The following PXDNL variants were observed in gnomAD, a reference collection of about 807,000 sequenced individuals.
PXDNL encodes the protein peroxidasin like, also known as probable oxidoreductase PXDNL.
Under a neutral mutation model 150.8 loss-of-function variants are expected in PXDNL, and 145 were observed. The observed-to-expected ratio is 0.96, with a 90% CI of 0.84 to 1.10. The LOEUF is 1.10. Ranked by LOEUF, PXDNL falls within the 50% of genes least tolerant of loss-of-function variation. The pLI is 0.00. For synonymous variants in PXDNL, 757 were observed against 725.7 expected (o/e 1.04, Z -0.69); for missense variants, 2,087 against 1,873.9 (o/e 1.11, Z -2.10).
At chr8:51,363,410 C>A (rs574680082) in intron 19 of PXDNL, among the ~76,000 whole-genome samples, 1 of 152,044 alleles carries the variant, frequency 6.6e-6, no homozygotes. Context: ...TCTGAAAAAC[C>A]GAGCTCTCTG....
rs1486419971 is a variant in PXDNL at position 51,339,703 on chromosome 8, A to G, written c.4067T>C (p.Leu1356Pro). Residue 1356 changes from leucine (L) to proline (P), a missense_variant, in exon 21 of 23, where the codon CTG (leucine) becomes CCG (proline). Transcript: ENST00000356297. ...ATCTTGGGAGAACTTTGTTTTTGCCAGAACTGTCACATTTCTAGCATCTTC... is the reference window on the plus strand; with the variant it reads ...ATCTTGGGAGAACTTTGTTTTTGCCGGAACTGTCACATTTCTAGCATCTTC... The part of the protein sequence containing the change: ...VGEDARNVTV[L>P]AKTKFSQDFS... 6.2e-7 allele frequency: 1 copy of G among 1,613,604 alleles called. No individual in the cohort carries two copies. Among genetic ancestry groups the G allele is most frequent in the Admixed American group, 1.7e-5 (1 of 59,968 alleles).
chr8:51,693,081 C>T (rs946359500), intron 1 of PXDNL, among the ~76,000 whole-genome samples: 6 of 152,212 alleles, frequency 3.9e-5, no homozygotes, highest in African/African-American at 1.4e-4. Context: ...ATCAGAGCCT[C>T]TATCTGTCCA....
chr8:51,696,865 A>G, intron 1 of PXDNL, among the ~76,000 whole-genome samples: 2 of 63,344 alleles, frequency 3.2e-5, no homozygotes, highest in African/African-American at 5.6e-5. Context: ...ACAGGTCCAC[A>G]CACATGTGCA....
intron 11 of PXDNL, among the ~76,000 whole-genome samples, chr8:51,447,983 T>C (rs7846408): frequency 0.78 from 119,179 of 152,242 alleles, 47,416 homozygotes; most frequent in South Asian, 0.85. Context: ...GGTCACATGA[T>C]AAGCAAATGG....
intron 3 of PXDNL, among the ~76,000 whole-genome samples, chr8:51,568,286 T>C (rs773387994): frequency 4.0e-5 from 6 of 151,862 alleles, no homozygotes; most frequent in Non-Finnish European, 8.8e-5. Flanking sequence ...AAACATTCAT[T>C]GCAAGGCAGG....
intron 11 of PXDNL, among the ~76,000 whole-genome samples, chr8:51,448,188 C>G (rs1247728990): frequency 2.0e-5 from 3 of 152,196 alleles, no homozygotes; most frequent in Non-Finnish European, 4.4e-5. Flanking sequence ...CTCATCCAGC[C>G]AATCGTCAAT....
chr8:51,542,442 G>C (rs1053825829), intron 4 of PXDNL, among the ~76,000 whole-genome samples: 22 of 149,940 alleles, frequency 1.5e-4, no homozygotes, highest in African/African-American at 5.4e-4. Flanking sequence ...AGAGGTAATA[G>C]AATTAGATTA....
rs182061840 is a variant in PXDNL, at chr8:51,461,122, G to T, written c.813-3455C>A. ...CACAGCCAGTGCTAGACCCCAAAGG[G>T]CTAAAGGACAAAACCACAGGCCCAA... On this transcript the variant is annotated intron_variant, in intron 8 of 22. Coordinates refer to ENST00000356297, the MANE Select transcript of PXDNL (RefSeq NM_144651.5). 2.3e-3 allele frequency among the ~76,000 whole-genome samples: 357 copies of T among 152,296 alleles called. 4 individuals are homozygous for T. Among genetic ancestry groups the T allele is most frequent in the Middle Eastern group, 0.01 (3 of 294 alleles).
At position 51,408,215 on chromosome 8, in the gene PXDNL, A is replaced by G; in HGVS notation, c.3409T>C (p.Ser1137Pro). 6.2e-7 allele frequency: 1 copy of G among 1,614,050 alleles called. No homozygotes were observed. Among genetic ancestry groups the G allele is most frequent in the South Asian group, 1.1e-5 (1 of 91,084 alleles). ...CCCCTTTGAATGATGGTGGCAGCCG[A>G]ATCCACGGCCGCAGAATAAGCCGCG... ...FSAAYSAAVD[S>P]AATIIQRGRD... Residue 1137 changes from serine (S) to proline (P), a missense_variant, in exon 17 of 23, where the codon TCG becomes CCG. Transcript: ENST00000356297.
chr8:51,664,635 T>C (rs1815342344), intron 1 of PXDNL, among the ~76,000 whole-genome samples: 1 of 152,146 alleles, frequency 6.6e-6, no homozygotes, highest in Non-Finnish European at 1.5e-5. Flanking sequence ...ACCTTGATAG[T>C]CCTTCCTGTC....
chr8:51,602,095 C>T (rs1362841772), intron 2 of PXDNL, among the ~76,000 whole-genome samples: 1 of 150,884 alleles, frequency 6.6e-6, no homozygotes, highest in Admixed American at 6.6e-5. Context: ...ATGGGCTTCC[C>T]TTTGTATGTG....
chr8:51,527,083 C>CT (rs1233167880), intron 4 of PXDNL, among the ~76,000 whole-genome samples: 1 of 152,190 alleles, frequency 6.6e-6, no homozygotes, highest in Non-Finnish European at 1.5e-5. Flanking sequence ...TTTTAAAAAG[C>CT]TTTTATTTTC....
chr8:51,367,246 G>C (rs1806951654), intron 19 of PXDNL, among the ~76,000 whole-genome samples: 2 of 151,946 alleles, frequency 1.3e-5, no homozygotes, highest in South Asian at 2.1e-4. Context: ...TTTGCAGAGA[G>C]CTCATACAGA....
At chr8:51,361,468 G>A (rs553733677) in intron 19 of PXDNL, among the ~76,000 whole-genome samples, 1 of 152,284 alleles carries the variant, frequency 6.6e-6, no homozygotes, top group Non-Finnish European at 1.5e-5. Context: ...AAGCCAAGAT[G>A]TAAGGTAAAA....
At chr8:51,588,513 T>G (rs1018240499) in intron 3 of PXDNL, among the ~76,000 whole-genome samples, 9 of 152,214 alleles carry the variant, frequency 5.9e-5, no homozygotes, top group African/African-American at 2.2e-4. Context: ...TTTTTTGTTC[T>G]CACTCAGAGC....
chr8:51,321,435 G>T (rs1409182083), intron 21 of PXDNL, among the ~76,000 whole-genome samples: 1 of 152,088 alleles, frequency 6.6e-6, no homozygotes, highest in Non-Finnish European at 1.5e-5. Context: ...GGAGCAGAAG[G>T]GCAGTTGATA....
At chr8:51,648,997 C>T (rs1414174318) in intron 2 of PXDNL, among the ~76,000 whole-genome samples, 3 of 152,158 alleles carry the variant, frequency 2.0e-5, no homozygotes, top group Non-Finnish European at 4.4e-5. Context: ...TATATACTTT[C>T]CTTTTTCTTC....
intron 1 of PXDNL, among the ~76,000 whole-genome samples, chr8:51,702,230 G>A (rs1816271811): frequency 1.3e-5 from 2 of 152,110 alleles, no homozygotes; most frequent in African/African-American, 4.8e-5. Context: ...AAGAAAGACT[G>A]ACTTTTAGAC....
intron 14 of PXDNL, among the ~76,000 whole-genome samples, chr8:51,420,794 T>G (rs1205296813): frequency 6.6e-6 from 1 of 152,182 alleles, no homozygotes; most frequent in Non-Finnish European, 1.5e-5. Flanking sequence ...GTTCAAGTGA[T>G]TCTCTTGCCT....
Sources: gnomAD v4.1 joint callset for allele counts (sites outside exome capture counted in the v4.1 genomes callset) on GRCh38, gnomAD v4.1.1 for gene constraint, MANE v1.5 for transcripts, NCBI Gene and HGNC (gene_info 2026-07-23, HGNC 2026-07-21) for gene names.